Variants in PLEKHG7 observed in about 807,000 individuals in gnomAD.
The protein encoded by PLEKHG7 is pleckstrin homology and RhoGEF domain containing G7.
Under a neutral mutation model 85.2 loss-of-function variants are expected in PLEKHG7, and 77 were observed. The observed-to-expected ratio is 0.90, with a 90% confidence interval of 0.75 to 1.09. The LOEUF is 1.09. Among genes scored for constraint, PLEKHG7 ranks in the 50% least tolerant of loss-of-function variants. The pLI is 0.00. For missense variants in PLEKHG7, 777 were observed against 804.3 expected (o/e 0.97, Z 0.41); for synonymous variants, 301 against 302.4 (o/e 1.00, Z 0.05).
At chr12:92,761,535 TA>T (rs199792201) in intron 13 of PLEKHG7, among the ~76,000 whole-genome samples, 1 of 68,444 alleles carries the variant, frequency 1.5e-5, no homozygotes. Flanking sequence ...ATTCATTGAT[TA>T]AAAAAAAGAG....
intron 1 of PLEKHG7, among the ~76,000 whole-genome samples, chr12:92,704,337 G>A (rs4760487): frequency 0.43 from 65,052 of 151,992 alleles, 15,250 homozygotes; most frequent in East Asian, 0.93. Flanking sequence ...GGGAGAATGA[G>A]GAACTGGCCT....
At chr12:92,707,269 GAC>G in intron 2 of PLEKHG7, 131 bp downstream of exon 2, 2 of 1,441,138 alleles carry the variant, frequency 1.4e-6, no homozygotes, top group Non-Finnish European at 1.8e-6. Flanking sequence ...ACACTGAGGG[GAC>G]ACATTCTCTT....
chr12:92,760,891 G>A (rs1592688397), intron 13 of PLEKHG7, among the ~76,000 whole-genome samples: 2 of 152,112 alleles, frequency 1.3e-5, no homozygotes, highest in African/African-American at 4.8e-5. Flanking sequence ...AACCTAGGCC[G>A]CCATAACAAA....
At chr12:92,740,588 T>C (rs995245470) in intron 7 of PLEKHG7, among the ~76,000 whole-genome samples, 2 of 152,212 alleles carry the variant, frequency 1.3e-5, no homozygotes, top group Non-Finnish European at 2.9e-5. Flanking sequence ...GGAAGCCCAT[T>C]TGGACAGATT....
chr12:92,709,785 A>G (rs193071227), intron 3 of PLEKHG7, among the ~76,000 whole-genome samples: 112 of 152,364 alleles, frequency 7.4e-4, no homozygotes, highest in African/African-American at 2.4e-3. Context: ...GCTCATGCCT[A>G]TAATCCCAGC....
At position 92,755,934 on chromosome 12, in the gene PLEKHG7, T is replaced by C. The variant is rs376815801; in HGVS notation, c.1536T>C (p.Ile512=). ...GGGATAGAGATAAAAGGTTTTTCAT[T>C]CCAGAGGTACAAAAAAAAAATCAAT... is the stretch of plus-strand genomic sequence containing the variant. The part of the protein sequence containing the change: ...PLWDRDKRFF[I]PECLKHIFKE... The change falls in exon 12 of 17, where the codon ATT becomes ATC. Residue 512 remains isoleucine, a synonymous_variant. Coordinates refer to ENST00000344636, the MANE Select transcript of PLEKHG7 (RefSeq NM_001377329.1). The C allele has an allele frequency of 1.3e-6, 2 of 1,599,176 alleles. No individual in the cohort carries two copies. Among genetic ancestry groups the C allele is most frequent in the Non-Finnish European group, 1.7e-6 (2 of 1,173,062 alleles).
At position 92,714,597 on chromosome 12, in the gene PLEKHG7, T is replaced by G. The variant is rs73360563; in HGVS notation, c.530+6925T>G. ...GGGCAATCTTAGCAAATTTTGAGGC[T>G]CAGTGTCTGCTTCTGAAGCCAGGAG... is the stretch of plus-strand genomic sequence containing the variant. On this transcript the variant is annotated intron_variant, in intron 3 of 16. Transcript: ENST00000344636. Among the ~76,000 whole-genome samples the G allele has an allele frequency of 3.6e-3, 545 of 152,312 alleles. 2 individuals are homozygous for G. Among genetic ancestry groups the G allele is most frequent in the African/African-American group, 0.013 (528 of 41,572 alleles).
chr12:92,756,938 G>A (rs1872852139), intron 13 of PLEKHG7, among the ~76,000 whole-genome samples: 1 of 152,220 alleles, frequency 6.6e-6, no homozygotes, highest in African/African-American at 2.4e-5. Context: ...CCCTGGAGAG[G>A]CTTCGTGCAG....
intron 3 of PLEKHG7, among the ~76,000 whole-genome samples, chr12:92,715,925 T>C (rs1308987270): frequency 1.3e-5 from 2 of 152,152 alleles, no homozygotes; most frequent in Non-Finnish European, 2.9e-5. Flanking sequence ...TTACTATCTG[T>C]CTCTTTACAG....
Position 92,706,762 on chromosome 12 carries a change from G to A in PLEKHG7, c.131G>A (p.Arg44His), listed in dbSNP as rs775456216. ...CAGTTTGACCGGCAAGCCCCAGGCC[G>A]CATCTCCACCTCGCCCACTTTGAGG... The part of the protein sequence containing the change: ...LLQFDRQAPG[R>H]ISTSPTLRRL... The change falls in exon 2 of 17, where the codon CGC becomes CAC. Residue 44 changes from arginine to histidine, a missense_variant. Arg to His is a conservative substitution (Grantham distance 29). Coordinates refer to ENST00000344636, the MANE Select transcript of PLEKHG7 (RefSeq NM_001377329.1). 34 of 1,614,040 alleles carry A rather than the reference G, an allele frequency of 2.1e-5. No individual in the cohort carries two copies. Among genetic ancestry groups the A allele is most frequent in the East Asian group, 2.0e-4 (9 of 44,876 alleles).
chr12:92,762,020 A>G (rs1487271564), intron 14 of PLEKHG7, among the ~76,000 whole-genome samples, 189 bp downstream of exon 14: 1 of 151,818 alleles, frequency 6.6e-6, no homozygotes, highest in African/African-American at 2.4e-5. Context: ...ATAAATAAAT[A>G]AATAAATGAA....
At chr12:92,705,349 T>A (rs1056212792) in intron 1 of PLEKHG7, among the ~76,000 whole-genome samples, 3 of 152,262 alleles carry the variant, frequency 2.0e-5, no homozygotes, top group Non-Finnish European at 4.4e-5. Context: ...GCCTTCTCTA[T>A]ATCAAGTTAA....
Position 92,729,023 on chromosome 12 carries a change from G to A in PLEKHG7, c.561G>A (p.Val187=), listed in dbSNP as rs2136591139. The change falls in exon 4 of 17, where the codon GTG becomes GTA. Residue 187 remains valine, a synonymous_variant. Coordinates refer to ENST00000344636, the MANE Select transcript of PLEKHG7 (RefSeq NM_001377329.1). ...ACGAGCACAGGCGGAGTTCTGTGGT[G>A]CTGAACTTACCTGGACTTGAGGTGT... The part of the protein sequence containing the change: ...RFYEHRRSSV[V]LNLPGLEVFP... The A allele has an allele frequency of 1.6e-6, 2 of 1,231,848 alleles. No homozygotes were observed. Among genetic ancestry groups the A allele is most frequent in the Non-Finnish European group, 2.0e-6 (2 of 987,810 alleles). The allele number at this position is 1,231,848 out of a possible 1,614,324, so 76.3% of individuals were successfully genotyped here.
intron 11 of PLEKHG7, among the ~76,000 whole-genome samples, chr12:92,755,159 TG>T (rs1431688638): frequency 1.3e-5 from 2 of 152,342 alleles, no homozygotes; most frequent in East Asian, 3.9e-4. Flanking sequence ...GCAGCACCTC[TG>T]GAGATTTCTC....
chr12:92,727,495 G>A (rs898617632), intron 3 of PLEKHG7, among the ~76,000 whole-genome samples: 61 of 152,198 alleles, frequency 4.0e-4, no homozygotes, highest in African/African-American at 1.3e-3. Flanking sequence ...CCACTTATAA[G>A]CGAGAGAATG....
chr12:92,750,877 T>C (rs192671982), intron 10 of PLEKHG7, among the ~76,000 whole-genome samples: 3 of 152,178 alleles, frequency 2.0e-5, no homozygotes, highest in African/African-American at 4.8e-5. Context: ...GAGTCTGAGG[T>C]TGCAGTCAGC....
intron 3 of PLEKHG7, among the ~76,000 whole-genome samples, chr12:92,718,218 G>T (rs770409043): frequency 6.6e-6 from 1 of 152,230 alleles, no homozygotes; most frequent in African/African-American, 2.4e-5. Context: ...ACTAGGCAGT[G>T]TACTGCTCAT....
intron 10 of PLEKHG7, among the ~76,000 whole-genome samples, chr12:92,752,198 G>C (rs1246274027): frequency 6.6e-6 from 1 of 152,106 alleles, no homozygotes; most frequent in African/African-American, 2.4e-5. Flanking sequence ...TCTTTCCAAA[G>C]AAGAGAATAG....
intron 3 of PLEKHG7, among the ~76,000 whole-genome samples, chr12:92,724,673 G>T (rs926485715): frequency 6.6e-6 from 1 of 152,178 alleles, no homozygotes; most frequent in African/African-American, 2.4e-5. Context: ...GATCTATTCC[G>T]AACAGCAAGA....
Sources: allele counts gnomAD v4.1 joint callset (sites outside exome capture counted in the v4.1 genomes callset), GRCh38; gene constraint gnomAD v4.1.1; transcripts MANE v1.5; gene names NCBI Gene and HGNC (gene_info 2026-07-23, HGNC 2026-07-21).